The following FGGY variants were observed in gnomAD, a reference collection of about 807,000 sequenced individuals.
FGGY encodes FGGY carbohydrate kinase domain containing.
In FGGY, 72 loss-of-function variants were observed where a neutral mutation model predicts 71.3. The observed-to-expected ratio is 1.01, with a 90% CI of 0.84 to 1.23. The LOEUF is 1.23. Ranked by LOEUF, FGGY falls within the 50% of genes most tolerant of loss-of-function variation. FGGY has a pLI of 0.00. For synonymous variants in FGGY, 251 were observed against 250.3 expected, an observed-to-expected ratio of 1.00 and a Z score of -0.02; for missense variants, 668 against 682.3, an observed-to-expected ratio of 0.98 and a Z score of 0.23.
intron 7 of FGGY, among the ~76,000 whole-genome samples, chr1:59,516,205 T>C (rs2094645942): frequency 6.6e-6 from 1 of 152,204 alleles, no homozygotes; most frequent in Non-Finnish European, 1.5e-5. Context: ...CATTTCTACC[T>C]TTCCTATACC....
chr1:59,480,385 G>A (rs889927234), intron 6 of FGGY, among the ~76,000 whole-genome samples: 2 of 152,008 alleles, frequency 1.3e-5, no homozygotes, highest in East Asian at 1.9e-4. Context: ...TTCCAGTATC[G>A]AGTCCATGTT....
intron 1 of FGGY, among the ~76,000 whole-genome samples, chr1:59,316,984 G>C (rs149877482): frequency 4.8e-4 from 73 of 152,182 alleles, no homozygotes; most frequent in African/African-American, 1.8e-3. Context: ...TTCATAATGC[G>C]GTCTTTGGAG....
intron 11 of FGGY, among the ~76,000 whole-genome samples, chr1:59,646,012 A>T (rs2097090886): frequency 6.6e-6 from 1 of 152,242 alleles, no homozygotes; most frequent in Non-Finnish European, 1.5e-5. Context: ...GGAGAGAGTC[A>T]GGGAGGAAGC....
chr1:59,367,021 T>C (rs2056709841), intron 4 of FGGY, among the ~76,000 whole-genome samples: 1 of 152,182 alleles, frequency 6.6e-6, no homozygotes, highest in Admixed American at 6.5e-5. Flanking sequence ...ACAGCCAAGT[T>C]GGAGCCAGGT....
chr1:59,484,625 CACTT>C (rs1244005812), intron 6 of FGGY, among the ~76,000 whole-genome samples: 1 of 152,168 alleles, frequency 6.6e-6, no homozygotes, highest in Non-Finnish European at 1.5e-5. Context: ...GAGTCACTCT[CACTT>C]GCATTATTTT....
chr1:59,734,429 T>G (rs927040502), intron 14 of FGGY, among the ~76,000 whole-genome samples: 6 of 152,156 alleles, frequency 3.9e-5, no homozygotes, highest in African/African-American at 1.4e-4. Flanking sequence ...GATCTAGAAC[T>G]CCTGGCTCAA....
chr1:59,442,128 A>G (rs556840332), intron 5 of FGGY, among the ~76,000 whole-genome samples: 1 of 152,310 alleles, frequency 6.6e-6, no homozygotes, highest in South Asian at 2.1e-4. Flanking sequence ...TAGTTGTGAA[A>G]GGTATGGACT....
chr1:59,665,214 C>T (rs2097312448), intron 12 of FGGY, among the ~76,000 whole-genome samples: 1 of 152,026 alleles, frequency 6.6e-6, no homozygotes, highest in South Asian at 2.1e-4. Context: ...GGCATATTCT[C>T]AAGGGGGTTC....
At chr1:59,486,195 C>T (rs527675051) in intron 6 of FGGY, among the ~76,000 whole-genome samples, 26 of 152,218 alleles carry the variant, frequency 1.7e-4, no homozygotes, top group Admixed American at 1.6e-3. Context: ...GGAGACCATG[C>T]GTTGGTCAAG....
intron 8 of FGGY, among the ~76,000 whole-genome samples, chr1:59,572,558 G>T (rs115293245): frequency 6.6e-6 from 1 of 152,158 alleles, no homozygotes; most frequent in Non-Finnish European, 1.5e-5. Context: ...AGAACAAATT[G>T]GCAAGAGACC....
At chr1:59,664,320 C>T (rs1038848003) in intron 12 of FGGY, among the ~76,000 whole-genome samples, 2 of 152,212 alleles carry the variant, frequency 1.3e-5, no homozygotes, top group African/African-American at 4.8e-5. Flanking sequence ...GAGTCTGGGA[C>T]ACCGAAAGGG....
At chr1:59,431,926 G>A (rs1052932833) in intron 5 of FGGY, among the ~76,000 whole-genome samples, 38 of 152,092 alleles carry the variant, frequency 2.5e-4, no homozygotes, top group Admixed American at 4.6e-4. Context: ...TTAATGAGGC[G>A]ACTCTTGGGC....
intron 6 of FGGY, among the ~76,000 whole-genome samples, chr1:59,503,692 T>C (rs2094300702): frequency 6.7e-6 from 1 of 148,596 alleles, no homozygotes. Flanking sequence ...TTAAAATAAA[T>C]ATAATTTTAA....
At chr1:59,742,535 C>T (rs938864387) in intron 14 of FGGY, among the ~76,000 whole-genome samples, 1 of 152,242 alleles carries the variant, frequency 6.6e-6, no homozygotes, top group Non-Finnish European at 1.5e-5. Context: ...TCCATCTCAT[C>T]TACTTCTAAG....
chr1:59,670,678 A>G (rs1404157207), intron 13 of FGGY, among the ~76,000 whole-genome samples: 1 of 151,156 alleles, frequency 6.6e-6, no homozygotes, highest in Non-Finnish European at 1.5e-5. Flanking sequence ...TATTCCATCT[A>G]GGAAGCCCCA....
intron 4 of FGGY, among the ~76,000 whole-genome samples, chr1:59,354,808 G>C (rs2053985990): frequency 6.6e-6 from 1 of 152,188 alleles, no homozygotes; most frequent in East Asian, 1.9e-4. Context: ...TTGTTTTCTG[G>C]AAAATGCTAC....
intron 1 of FGGY, among the ~76,000 whole-genome samples, chr1:59,300,948 T>A (rs2042658047): frequency 6.6e-6 from 1 of 152,214 alleles, no homozygotes; most frequent in Non-Finnish European, 1.5e-5. Flanking sequence ...TTGTTTTGAT[T>A]ATTCTAGGTT....
intron 8 of FGGY, among the ~76,000 whole-genome samples, chr1:59,558,348 C>T (rs987073885): frequency 2.9e-4 from 44 of 152,126 alleles, no homozygotes; most frequent in Admixed American, 5.9e-4. Flanking sequence ...TTCTATTTTC[C>T]GTAAGTGTCA....
intron 2 of FGGY, among the ~76,000 whole-genome samples, chr1:59,330,063 G>A (rs548831519): frequency 5.3e-5 from 8 of 152,164 alleles, no homozygotes; most frequent in South Asian, 4.2e-4. Flanking sequence ...TGCCTTGTAC[G>A]TCTCTTTCAT....
Sources: gnomAD v4.1 joint callset for allele counts (sites outside exome capture counted in the v4.1 genomes callset) on GRCh38, gnomAD v4.1.1 for gene constraint, MANE v1.5 for transcripts, NCBI Gene and HGNC (gene_info 2026-07-23, HGNC 2026-07-21) for gene names.